The following WWP2 variants were observed in gnomAD, a reference collection of about 807,000 sequenced individuals.
WWP2 encodes the protein WW domain containing E3 ubiquitin protein ligase 2, also known as NEDD4-like E3 ubiquitin-protein ligase WWP2.
In WWP2, 57 loss-of-function variants were observed where a neutral mutation model predicts 121.0. That is an observed-to-expected ratio of 0.47 (90% CI 0.38 to 0.59). The LOEUF (loss-of-function observed/expected upper bound fraction) is 0.59, where lower values mean the gene tolerates loss of function less well. Among genes scored for constraint, WWP2 ranks in the 20% least tolerant of loss-of-function variants. The pLI, the probability that WWP2 is intolerant of heterozygous loss-of-function variation, is 0.00. For synonymous variants in WWP2, 449 were observed against 441.3 expected (o/e 1.02, Z -0.22); for missense variants, 962 against 1,158.9 (o/e 0.83, Z 2.47).
chr16:69,909,567 A>T, intron 9 of WWP2: 1 of 985,456 alleles, frequency 1.0e-6, no homozygotes, highest in Non-Finnish European at 1.2e-6. Context: ...GTTTTCCAGT[A>T]GAATGCTTGA....
chr16:69,856,543 GA>G (rs2057315551), intron 6 of WWP2, among the ~76,000 whole-genome samples: 1 of 152,210 alleles, frequency 6.6e-6, no homozygotes, highest in Non-Finnish European at 1.5e-5. Flanking sequence ...GTGGGAGACT[GA>G]GGTGGGTGGA....
At chr16:69,859,935 A>G (rs77644035) in intron 6 of WWP2, among the ~76,000 whole-genome samples, 10,245 of 146,652 alleles carry the variant, frequency 0.07, 1,218 homozygotes, top group African/African-American at 0.25. Context: ...ATACTTGACG[A>G]CATACTCAAG....
chr16:69,810,296 G>A (rs889734189), intron 4 of WWP2, among the ~76,000 whole-genome samples: 1 of 45,392 alleles, frequency 2.2e-5, no homozygotes, highest in Middle Eastern at 0.01. Context: ...ACTTCTCTCT[G>A]AGGGGACATT....
At position 69,778,459 on chromosome 16, in the gene WWP2, C is replaced by T. The variant is rs571404387; in HGVS notation, c.-15-8537C>T. ...GGGAGAAATTACTTGAGTACGTGTA[C>T]GGAGTCATCTGTTCGTGTTGCTGAG... On this transcript the variant is annotated intron_variant, in intron 1 of 23. Transcript: ENST00000359154. Among the ~76,000 whole-genome samples the T allele has an allele frequency of 5.9e-5, 9 of 152,038 alleles. No individual in the cohort carries two copies. The East Asian group carries it at 7.7e-4, about 13-fold the overall frequency.
At chr16:69,852,197 T>G (rs186828194) in intron 6 of WWP2, among the ~76,000 whole-genome samples, 5 of 152,300 alleles carry the variant, frequency 3.3e-5, no homozygotes, top group Non-Finnish European at 7.4e-5. Flanking sequence ...GTAGTCCATT[T>G]TCTGGATTTT....
chr16:69,827,389 C>CA (rs1207627850), intron 4 of WWP2, among the ~76,000 whole-genome samples: 2 of 151,592 alleles, frequency 1.3e-5, no homozygotes, highest in Non-Finnish European at 2.9e-5. Context: ...GACTCCATCT[C>CA]AAAAAAAATA....
At chr16:69,918,157 G>GCC (rs982626801) in intron 10 of WWP2, among the ~76,000 whole-genome samples, 13 of 152,112 alleles carry the variant, frequency 8.5e-5, no homozygotes, top group East Asian at 1.9e-4. Context: ...TTTCATTTCT[G>GCC]CCCCCTTCAT....
At position 69,939,097 on chromosome 16, in the gene WWP2, C is replaced by A; in HGVS notation, c.2414C>A (p.Pro805His). Residue 805 changes from proline (P) to histidine (H), a missense_variant, in exon 22 of 24, where the codon CCC becomes CAC. Pro to His is a moderately conservative substitution (Grantham distance 77). Around this residue, in one of 3 missense-constraint regions of WWP2, gnomAD observed 606 missense variants for 772.6 expected, o/e 0.78. Coordinates refer to ENST00000359154, the MANE Select transcript of WWP2 (RefSeq NM_001270454.2). ...TTTGTCACCGGTACCTGCCGCCTGC[C>A]CGTCGGGGGATTTGCCGAACTCATC... ...LQFVTGTCRL[P>H]VGGFAELIGS... 6.2e-7 allele frequency: 1 copy of A among 1,604,774 alleles called. No homozygotes were observed. The highest frequency in any genetic ancestry group is 1.1e-5 in the South Asian group (1 of 89,572).
At chr16:69,939,491 A>G in intron 23 of WWP2, 78 bp downstream of exon 23, 1 of 1,481,460 alleles carries the variant, frequency 6.8e-7, no homozygotes, top group Non-Finnish European at 9.4e-7. Flanking sequence ...TGGGTGTAGC[A>G]GCTTCATAGC....
At chr16:69,826,505 G>C (rs146738158) in intron 4 of WWP2, among the ~76,000 whole-genome samples, 2,876 of 149,152 alleles carry the variant, frequency 0.019, 82 homozygotes, top group African/African-American at 0.065. Flanking sequence ...CCAGGAGGCA[G>C]AGGTTGCAGT....
chr16:69,849,464 GTTAT>G (rs746999045), intron 6 of WWP2, among the ~76,000 whole-genome samples: 5 of 140,092 alleles, frequency 3.6e-5, no homozygotes, highest in South Asian at 4.8e-4. Context: ...TGGAATAAGT[GTTAT>G]TTATTTATTT....
rs2058633051 is a variant in WWP2, at chr16:69,925,890, A to G, written c.1234+406A>G. On this transcript the variant is annotated intron_variant, in intron 11 of 23. Coordinates refer to ENST00000359154, the MANE Select transcript of WWP2 (RefSeq NM_001270454.2). This position sits in a 1 kb window ranked among gnomAD's most constrained non-coding sequence, Gnocchi z 4.0. The stretch of plus-strand genomic sequence containing the variant: ...TGTGACCGTATGGTTGGAATGATCC[A>G]CCCTAACAAATCTTTCTTTGCAGCT... 1 of 169,588 alleles carries G rather than the reference A, an allele frequency of 5.9e-6. No individual in the cohort carries two copies. The highest frequency in any genetic ancestry group is 1.2e-5 in the Non-Finnish European group (1 of 80,158). The allele number at this position is 169,588 out of a possible 1,614,324, so 10.5% of individuals were successfully genotyped here.
At chr16:69,765,430 T>A (rs2038706862) in intron 1 of WWP2, among the ~76,000 whole-genome samples, 1 of 152,126 alleles carries the variant, frequency 6.6e-6, no homozygotes, top group Admixed American at 6.5e-5. Flanking sequence ...TCCCCACCCT[T>A]GTGGATCTTC....
At chr16:69,765,503 A>G (rs1453794487) in intron 1 of WWP2, among the ~76,000 whole-genome samples, 1 of 152,124 alleles carries the variant, frequency 6.6e-6, no homozygotes, top group Non-Finnish European at 1.5e-5. Context: ...GTAATAAAGC[A>G]GGGAAGAGGG....
chr16:69,935,279 C>T lies in WWP2; in HGVS notation c.1843-574C>T, dbSNP rs1309751460. Among the ~76,000 whole-genome samples the T allele has an allele frequency of 3.3e-5, 5 of 152,174 alleles. No individual in the cohort carries two copies. The highest frequency in any genetic ancestry group is 5.9e-5 in the Non-Finnish European group (4 of 68,032). ...AAATATGGCCGGCCCTTCCCATCGT[C>T]GAGGAGTTCTTGGCCAAGGTGCTGG... On this transcript the variant is annotated intron_variant, in intron 17 of 23. Coordinates refer to ENST00000359154, the MANE Select transcript of WWP2 (RefSeq NM_001270454.2). The surrounding 1 kb of genome is among the most constrained non-coding windows in gnomAD (Gnocchi z 5.2).
chr16:69,918,196 T>G (rs1238728910), intron 10 of WWP2, among the ~76,000 whole-genome samples: 1 of 152,194 alleles, frequency 6.6e-6, no homozygotes, highest in Non-Finnish European at 1.5e-5. Context: ...ACTTGCACCC[T>G]GACTTGCTTT....
chr16:69,854,051 C>A (rs1335103387), intron 6 of WWP2, among the ~76,000 whole-genome samples: 1 of 152,222 alleles, frequency 6.6e-6, no homozygotes, highest in Non-Finnish European at 1.5e-5. Context: ...TGACAGTGAA[C>A]CACAGGGCCA....
chr16:69,832,051 A>T (rs557176090), intron 4 of WWP2, among the ~76,000 whole-genome samples: 7 of 151,728 alleles, frequency 4.6e-5, no homozygotes, highest in Non-Finnish European at 8.8e-5. Context: ...CGGGTCTCGA[A>T]CTCCTGAGCT....
chr16:69,903,619 T>G (rs897269393), intron 8 of WWP2, among the ~76,000 whole-genome samples: 12 of 151,902 alleles, frequency 7.9e-5, no homozygotes, highest in Non-Finnish European at 1.6e-4. Context: ...TACAAAAAAA[T>G]TAGCCAGGTG....
Sources: allele counts gnomAD v4.1 joint callset (sites outside exome capture counted in the v4.1 genomes callset), GRCh38; gene constraint gnomAD v4.1.1; regional missense constraint gnomAD v4.1.1; non-coding constraint Gnocchi (gnomAD v3.1); transcripts MANE v1.5; gene names NCBI Gene and HGNC (gene_info 2026-07-23, HGNC 2026-07-21).